Variants in NEGR1 observed in about 807,000 individuals in gnomAD.
NEGR1 encodes the protein neuronal growth regulator 1, also known as IgLON family member 4.
A neutral mutation model predicts 40.9 loss-of-function variants in NEGR1; 10 were observed. The ratio of observed to expected loss-of-function variants is 0.24; its 90% CI spans 0.15 to 0.42. The LOEUF (loss-of-function observed/expected upper bound fraction) is 0.42, where lower values mean the gene tolerates loss of function less well. Among genes scored for constraint, NEGR1 ranks in the 10% least tolerant of loss-of-function variants. The probability of loss-of-function intolerance (pLI) is 1.00; values close to 1 mark genes in which losing one functional copy is unlikely to be tolerated. For synonymous variants in NEGR1, 185 were observed against 166.8 expected (o/e 1.11, Z -0.84); for missense variants, 352 against 438.9 (o/e 0.80, Z 1.77).
chr1:72,225,637 T>C (rs1165607164), intron 1 of NEGR1, among the ~76,000 whole-genome samples: 1 of 151,504 alleles, frequency 6.6e-6, no homozygotes, highest in Non-Finnish European at 1.5e-5. Context: ...TGAATATGTA[T>C]ATTAGGCATA....
chr1:72,043,617 T>C (rs574575255), intron 1 of NEGR1, among the ~76,000 whole-genome samples: 2 of 152,076 alleles, frequency 1.3e-5, no homozygotes, highest in African/African-American at 2.4e-5. Context: ...GTATATTCCA[T>C]AATGAAAAGC....
Position 71,729,848 on chromosome 1 carries a change from GT to G in NEGR1, c.536-31710del, listed in dbSNP as rs571150264. ...GTTTTGTTTTGTTTTTTGGTTTTTG[GT>G]TTTTTTTTTTTGTAAAGATGGGGTT... On this transcript the variant is annotated intron_variant, in intron 3 of 6. Transcript: ENST00000357731. 6.3e-3 allele frequency among the ~76,000 whole-genome samples: 901 copies of G among 142,270 alleles called. 16 individuals are homozygous for G. Among genetic ancestry groups the G allele is most frequent in the Non-Finnish European group, 5.3e-3 (341 of 64,712 alleles). 93.3% of individuals were successfully genotyped at this position (142,270 alleles called of 152,430 possible). A position where few individuals can be genotyped will look rare whatever the true frequency, so the allele number is the denominator to read the frequency against.
At chr1:71,719,774 C>A (rs1654438765) in intron 3 of NEGR1, among the ~76,000 whole-genome samples, 1 of 152,114 alleles carries the variant, frequency 6.6e-6, no homozygotes, top group African/African-American at 2.4e-5. Flanking sequence ...TATCCCTCCC[C>A]CAGGCCCCCA....
chr1:71,618,938 T>C (rs1259245877), intron 4 of NEGR1, among the ~76,000 whole-genome samples: 2 of 152,162 alleles, frequency 1.3e-5, no homozygotes, highest in Non-Finnish European at 2.9e-5. Flanking sequence ...ATCTCTAAGC[T>C]GTATTCTACA....
At chr1:72,028,953 A>G (rs2100434975) in intron 1 of NEGR1, among the ~76,000 whole-genome samples, 1 of 152,346 alleles carries the variant, frequency 6.6e-6, no homozygotes, top group African/African-American at 2.4e-5. Context: ...AATACGCAAA[A>G]GAATTGAGCA....
At chr1:71,541,129 A>G (rs1396657494) in intron 6 of NEGR1, among the ~76,000 whole-genome samples, 1 of 151,630 alleles carries the variant, frequency 6.6e-6, no homozygotes, top group Non-Finnish European at 1.5e-5. Context: ...TCCAAACTAT[A>G]TCAGAATCAG....
At chr1:72,013,359 G>A (rs931925149) in intron 1 of NEGR1, among the ~76,000 whole-genome samples, 6 of 152,022 alleles carry the variant, frequency 3.9e-5, no homozygotes, top group African/African-American at 1.4e-4. Context: ...GGTAGATAAG[G>A]GAACCTCGGA....
intron 1 of NEGR1, among the ~76,000 whole-genome samples, chr1:71,994,012 G>T (rs140657990): frequency 2.0e-4 from 30 of 152,170 alleles, no homozygotes; most frequent in African/African-American, 7.0e-4. Context: ...GTAGTACAGA[G>T]CCTGCCTTCT....
At chr1:71,523,702 C>G (rs1466651454) in intron 6 of NEGR1, among the ~76,000 whole-genome samples, 1 of 151,810 alleles carries the variant, frequency 6.6e-6, no homozygotes, top group African/African-American at 2.4e-5. Context: ...CCACAATGAG[C>G]CTGTTTCTAA....
At chr1:71,575,861 CAAATT>C (rs1043970485) in intron 6 of NEGR1, among the ~76,000 whole-genome samples, 114 of 152,204 alleles carry the variant, frequency 7.5e-4, no homozygotes, top group African/African-American at 2.7e-3. Flanking sequence ...ATGTTATTAA[CAAATT>C]AAATTAACTG....
chr1:71,886,685 C>T (rs940569756), intron 2 of NEGR1, among the ~76,000 whole-genome samples: 1 of 152,008 alleles, frequency 6.6e-6, no homozygotes, highest in African/African-American at 2.4e-5. Flanking sequence ...TTGCCTTAAA[C>T]GGAGATATAT....
At chr1:72,280,198 T>A (rs1656195139) in intron 1 of NEGR1, among the ~76,000 whole-genome samples, 1 of 152,092 alleles carries the variant, frequency 6.6e-6, no homozygotes, top group Non-Finnish European at 1.5e-5. Flanking sequence ...TCCCCACATA[T>A]TAGGGAAGCT....
intron 1 of NEGR1, among the ~76,000 whole-genome samples, chr1:72,150,022 A>ACACATATCTTCATGTTGTTGTCTT (rs1210676898): frequency 2.6e-5 from 4 of 151,982 alleles, no homozygotes; most frequent in Non-Finnish European, 5.9e-5. Context: ...AAAGCCTGTC[A>ACACATATCTTCATGTTGTTGTCTT]CACATATCTT....
At chr1:71,540,484 A>G (rs1407158915) in intron 6 of NEGR1, among the ~76,000 whole-genome samples, 1 of 151,694 alleles carries the variant, frequency 6.6e-6, no homozygotes, top group Non-Finnish European at 1.5e-5. Flanking sequence ...TTCCTCATGT[A>G]TGATTATAGA....
At chr1:71,601,289 A>G (rs1649910721) in intron 5 of NEGR1, among the ~76,000 whole-genome samples, 1 of 152,182 alleles carries the variant, frequency 6.6e-6, no homozygotes, top group Non-Finnish European at 1.5e-5. Flanking sequence ...ACCAGTCAAA[A>G]TGGCTATTAT....
rs559591603 is a variant in NEGR1 at position 71,872,450 on chromosome 1, G to C, written c.409+62629C>G. Among the ~76,000 whole-genome samples, 6 of 152,248 alleles carry C rather than the reference G, an allele frequency of 3.9e-5. No individual in the cohort carries two copies. In the South Asian group the frequency reaches 1.2e-3, roughly 32 times the overall value. On this transcript the variant is annotated intron_variant, in intron 2 of 6. Coordinates refer to ENST00000357731, the MANE Select transcript of NEGR1 (RefSeq NM_173808.3). ...GGGCCCTGGAGGTATTATGGGCAAG[G>C]AAGTGTTGTGAACAGAAGTGATGTG... is the stretch of plus-strand genomic sequence containing the variant.
chr1:71,513,595 C>A (rs914278034), intron 6 of NEGR1, among the ~76,000 whole-genome samples: 3 of 152,154 alleles, frequency 2.0e-5, no homozygotes, highest in Non-Finnish European at 1.5e-5. Flanking sequence ...TAGACATTTT[C>A]TTAAAATATC....
At chr1:71,495,475 T>G (rs1204608688) in intron 6 of NEGR1, among the ~76,000 whole-genome samples, 1 of 96,574 alleles carries the variant, frequency 1.0e-5, no homozygotes, top group Admixed American at 9.6e-5. Flanking sequence ...AGACTCCATC[T>G]CGGAAAAAAA....
At chr1:71,761,605 T>G (rs1021639045) in intron 3 of NEGR1, among the ~76,000 whole-genome samples, 1 of 152,212 alleles carries the variant, frequency 6.6e-6, no homozygotes, top group Non-Finnish European at 1.5e-5. Context: ...TTCTATACTT[T>G]AACCCACATG....
Sources: allele counts gnomAD v4.1 joint callset (sites outside exome capture counted in the v4.1 genomes callset), GRCh38; gene constraint gnomAD v4.1.1; transcripts MANE v1.5; gene names NCBI Gene and HGNC (gene_info 2026-07-23, HGNC 2026-07-21).